Variants in FMO5 observed in about 807,000 individuals in gnomAD.
FMO5 encodes flavin containing dimethylaniline monoxygenase 5, also known as flavin-containing monooxygenase 5.
Under a neutral mutation model 43.6 loss-of-function variants are expected in FMO5, and 51 were observed. The observed-to-expected ratio is 1.17, with a 90% CI of 0.93 to 1.48. The LOEUF is 1.48. FMO5 is among the 40% of genes most tolerant of loss of function. FMO5 has a pLI of 0.00. For synonymous variants in FMO5, 187 were observed against 216.5 expected, an observed-to-expected ratio of 0.86 and a Z score of 1.20; for missense variants, 644 against 643.0, an observed-to-expected ratio of 1.00 and a Z score of -0.02.
chr1:147,221,268 T>G (rs1553926202), intron 2 of FMO5, among the ~76,000 whole-genome samples: 1 of 152,182 alleles, frequency 6.6e-6, no homozygotes. Context: ...TAAATCTGAA[T>G]AAAGTATGGA....
intron 3 of FMO5, among the ~76,000 whole-genome samples, chr1:147,214,455 A>C (rs587614569): frequency 5.8e-3 from 1 of 172 alleles, no homozygotes. Context: ...TGTCTGAAAA[A>C]AAACAAAAAA....
Position 147,197,188 on chromosome 1 carries a change from C to T in FMO5, c.1183+3964G>A, listed in dbSNP as rs181278988. 4.3e-4 allele frequency among the ~76,000 whole-genome samples: 65 copies of T among 152,252 alleles called. 1 individual carries two copies. Among genetic ancestry groups the T allele is most frequent in the Non-Finnish European group, 5.6e-4 (38 of 68,034 alleles). On this transcript the variant is annotated intron_variant, in intron 7 of 8. Transcript: ENST00000254090. ...GTTCCCAGAACTCTATTTGTTCTGT[C>T]ACTTTCATCTAACTTTGCATAAACA...
chr1:147,201,934 A>G (rs781902597), intron 6 of FMO5, among the ~76,000 whole-genome samples: 1 of 152,224 alleles, frequency 6.6e-6, no homozygotes. Context: ...TCCAAACTGT[A>G]TGATAAATTA....
Position 147,215,905 on chromosome 1 carries a change from G to C in FMO5, c.173C>G (p.Ser58Ter). The C allele has an allele frequency of 6.2e-7, 1 of 1,612,260 alleles. No individual in the cohort carries two copies. The highest frequency in any genetic ancestry group is 8.5e-7 in the Non-Finnish European group (1 of 1,179,310). ...PEEGRASIYK[S>*]VIINTSKEMM... The stretch of plus-strand genomic sequence containing the variant: ...CTCTTTAGAAGTATTGATGATCACT[G>C]ATTTGTAAATACTGGCCCTTCCTTC... The change falls in exon 3 of 9, where the codon TCA becomes TGA. Residue 58 changes from serine to a stop codon, truncating the protein, a stop_gained. Transcript: ENST00000254090. LOFTEE classifies it high-confidence loss of function.
chr1:147,212,248 G>A lies in FMO5; in HGVS notation c.630+145C>T, dbSNP rs1442781873. The A allele has an allele frequency of 7.9e-6, 6 of 758,304 alleles. No homozygotes were observed. In the African/African-American group the frequency reaches 1.1e-4, roughly 13 times the overall value. The allele number at this position is 758,304 out of a possible 1,614,324, so 47.0% of individuals were successfully genotyped here. A position where few individuals can be genotyped will look rare whatever the true frequency, so the allele number is the denominator to read the frequency against. Reference sequence around the variant, plus strand: ...ACCAATCACCATGTTGCCAACTGAGGTAATGAAACGAAGCCCTATATTTGC... The same window carrying A: ...ACCAATCACCATGTTGCCAACTGAGATAATGAAACGAAGCCCTATATTTGC... On this transcript the variant is annotated intron_variant, in intron 5 of 8. Transcript: ENST00000254090.
upstream of FMO5, among the ~76,000 whole-genome samples, chr1:147,226,399 G>A (rs1431204274): frequency 6.6e-6 from 1 of 152,126 alleles, no homozygotes; most frequent in Non-Finnish European, 1.5e-5. Context: ...GATTAGTGGA[G>A]GAGACCAAAA....
chr1:147,187,445 G>A (rs72708558), intron 8 of FMO5, among the ~76,000 whole-genome samples, 200 bp from the exon 9 acceptor site: 5,611 of 152,226 alleles, frequency 0.037, 147 homozygotes, highest in South Asian at 0.095. Flanking sequence ...AACATGAAGC[G>A]AGACTTCTGA....
chr1:147,195,954 A>AC (rs1286300538), intron 7 of FMO5, among the ~76,000 whole-genome samples: 4 of 151,874 alleles, frequency 2.6e-5, no homozygotes, highest in African/African-American at 9.7e-5. Context: ...GTTTTTATTG[A>AC]CCCCAAGATC....
chr1:147,211,479 A>G (rs1661059041), intron 5 of FMO5: 1 of 152,222 alleles, frequency 6.6e-6, no homozygotes, highest in Admixed American at 6.5e-5. Flanking sequence ...CAATGAGAAG[A>G]AGTGTTTTTC....
chr1:147,192,994 G>C (rs1230914109), intron 7 of FMO5, among the ~76,000 whole-genome samples: 1 of 152,094 alleles, frequency 6.6e-6, no homozygotes, highest in African/African-American at 2.4e-5. Context: ...TCTCTGCCAG[G>C]CTTTGGTATC....
intron 6 of FMO5, chr1:147,204,766 A>G (rs1331194099): frequency 1.3e-6 from 2 of 1,558,884 alleles, no homozygotes; most frequent in Non-Finnish European, 1.8e-6. Context: ...GTGGTTGATA[A>G]CCATTTTTTT....
chr1:147,218,681 A>G (rs1383240947), intron 2 of FMO5, among the ~76,000 whole-genome samples: 3 of 152,186 alleles, frequency 2.0e-5, no homozygotes, highest in South Asian at 2.1e-4. Flanking sequence ...ACATTTCACA[A>G]TCTAGCCCGG....
In FMO5 at chr1:147,201,484, G is replaced by T; in HGVS notation, c.851C>A (p.Thr284Asn). 6.2e-7 allele frequency: 1 copy of T among 1,613,610 alleles called. No homozygotes were observed. Among genetic ancestry groups the T allele is most frequent in the Non-Finnish European group, 8.5e-7 (1 of 1,179,648 alleles). The change falls in exon 7 of 9, where the codon ACC becomes AAC. Residue 284 changes from threonine to asparagine, a missense_variant. Thr to Asn is a moderately conservative substitution (Grantham distance 65). Coordinates refer to ENST00000254090, the MANE Select transcript of FMO5 (RefSeq NM_001461.4). ...ACGATTTGGCAGGTCATCATTTAAG[G>T]TTGGATGCTGACTCAGAGCTCTGTG... ...PKHRALSQHP[T>N]LNDDLPNRII...
chr1:147,222,169 A>G (rs587775456), intron 2 of FMO5, among the ~76,000 whole-genome samples: 2 of 152,316 alleles, frequency 1.3e-5, no homozygotes, highest in East Asian at 3.9e-4. Context: ...GAGGAGTTCG[A>G]GAATAGCCTG....
intron 3 of FMO5, 199 bp downstream of exon 3, chr1:147,215,554 CA>C (rs1213203038): frequency 4.0e-6 from 2 of 500,122 alleles, no homozygotes; most frequent in African/African-American, 4.0e-5. Context: ...TATCTGCAGC[CA>C]AAATATATGA....
intron 2 of FMO5, among the ~76,000 whole-genome samples, chr1:147,223,102 C>A (rs1663342343): frequency 1.3e-5 from 2 of 152,128 alleles, no homozygotes; most frequent in Non-Finnish European, 2.9e-5. Flanking sequence ...AACACAGGTA[C>A]AGAGAAGCTT....
intron 2 of FMO5, among the ~76,000 whole-genome samples, chr1:147,221,925 T>C (rs781949337): frequency 2.6e-5 from 4 of 152,232 alleles, no homozygotes; most frequent in Non-Finnish European, 5.9e-5. Flanking sequence ...AGAGCAGTAT[T>C]GGGTTAGTGA....
rs1663768841 is a variant in FMO5 at position 147,224,970 on chromosome 1, C to T, written c.60G>A (p.Lys20=). ...GGGVSGLSSI[K]CCVEEGLEPV... is the part of the protein sequence containing the mutation. The stretch of plus-strand genomic sequence containing the variant: ...GTTCCAAGCCTTCTTCTACGCAGCA[C>T]TTGATGGAAGAGAGCCCGCTCACTC... The change falls in exon 2 of 9, where the codon AAG becomes AAA. Residue 20 remains lysine (K), a synonymous_variant. Coordinates refer to ENST00000254090, the MANE Select transcript of FMO5 (RefSeq NM_001461.4). 6.2e-7 allele frequency: 1 copy of T among 1,613,990 alleles called. No homozygotes were observed. The highest frequency in any genetic ancestry group is 1.1e-5 in the South Asian group (1 of 91,080).
intron 8 of FMO5, among the ~76,000 whole-genome samples, chr1:147,189,918 A>G (rs587694876): frequency 7.1e-4 from 108 of 152,248 alleles, no homozygotes; most frequent in African/African-American, 2.5e-3. Flanking sequence ...TTATTTCCAT[A>G]TGCATTTTCC....
Sources: gnomAD v4.1 joint callset for allele counts (sites outside exome capture counted in the v4.1 genomes callset) on GRCh38, gnomAD v4.1.1 for gene constraint, MANE v1.5 for transcripts, NCBI Gene and HGNC (gene_info 2026-07-23, HGNC 2026-07-21) for gene names.